The following APCDD1L variants were observed in gnomAD, a reference collection of about 807,000 sequenced individuals.
APCDD1L encodes protein APCDD1-like.
A neutral mutation model predicts 24.2 loss-of-function variants in APCDD1L; 21 were observed. That is an observed-to-expected ratio of 0.87 (90% CI 0.61 to 1.25). The LOEUF (loss-of-function observed/expected upper bound fraction) is 1.25, where lower values mean the gene tolerates loss of function less well. APCDD1L is among the 50% of genes most tolerant of loss of function. APCDD1L has a pLI of 0.00. For synonymous variants in APCDD1L, 321 were observed against 323.6 expected (o/e 0.99, Z 0.09); for missense variants, 704 against 711.7 (o/e 0.99, Z 0.12).
chr20:58,514,093 T>C (rs1316684325), intron 1 of APCDD1L: 6 of 532,638 alleles, frequency 1.1e-5, no homozygotes, highest in South Asian at 2.0e-5. Flanking sequence ...GGAGAAGGCA[T>C]TGACTACTCT....
chr20:58,512,655 C>T (rs575179909), intron 1 of APCDD1L, among the ~76,000 whole-genome samples: 276 of 152,262 alleles, frequency 1.8e-3, no homozygotes, highest in Non-Finnish European at 2.7e-3. Flanking sequence ...GAAGTTCAGG[C>T]GTGCCCAGCT....
intron 2 of APCDD1L, among the ~76,000 whole-genome samples, chr20:58,469,049 C>T (rs1014812595): frequency 8.5e-5 from 13 of 152,102 alleles, no homozygotes; most frequent in South Asian, 2.1e-4. Context: ...CTTAGAACTT[C>T]GGGTTGGCAA....
In APCDD1L at chr20:58,467,473, G is replaced by C; in HGVS notation, c.374C>G (p.Ala125Gly). The C allele has an allele frequency of 6.3e-7, 1 of 1,597,598 alleles. No individual in the cohort carries two copies. Among genetic ancestry groups the C allele is most frequent in the Non-Finnish European group, 8.5e-7 (1 of 1,173,122 alleles). ...GCCCACCTTGTGCAGGTGGTAGTCG[G>C]CCTCGGTGGCTCCCCGGGTGACCCA... ...ASWVTRGATE[A>G]DYHLHKVGIV... Residue 125 changes from alanine to glycine, a missense_variant, in exon 3 of 4, where the codon GCC (alanine) becomes GGC (glycine). Coordinates refer to ENST00000371149, the MANE Select transcript of APCDD1L (RefSeq NM_153360.3). This position sits in a 1 kb window ranked among gnomAD's most constrained non-coding sequence, Gnocchi z 5.9.
At chr20:58,480,842 C>G (rs1990011406) in intron 1 of APCDD1L, among the ~76,000 whole-genome samples, 1 of 152,196 alleles carries the variant, frequency 6.6e-6, no homozygotes, top group African/African-American at 2.4e-5. Context: ...GAGCTCCCAC[C>G]CAGTTGGAAA....
intron 1 of APCDD1L, among the ~76,000 whole-genome samples, chr20:58,504,731 G>A (rs1990501820): frequency 6.6e-6 from 1 of 152,152 alleles, no homozygotes; most frequent in Admixed American, 6.5e-5. Context: ...ACAGCAGGGA[G>A]GGCACAGGGC....
intron 1 of APCDD1L, among the ~76,000 whole-genome samples, chr20:58,489,411 C>T (rs940905414): frequency 2.6e-5 from 4 of 151,874 alleles, no homozygotes; most frequent in Admixed American, 1.3e-4. Context: ...GGGTCAGGTG[C>T]GGTGGCTCAC....
chr20:58,493,968 C>T (rs774430062), intron 1 of APCDD1L, among the ~76,000 whole-genome samples: 2 of 152,222 alleles, frequency 1.3e-5, no homozygotes, highest in African/African-American at 2.4e-5. Flanking sequence ...AGTCAATTCA[C>T]ACATATTTTA....
intron 1 of APCDD1L, among the ~76,000 whole-genome samples, chr20:58,500,346 G>A (rs1036361922): frequency 6.6e-6 from 1 of 152,144 alleles, no homozygotes; most frequent in Non-Finnish European, 1.5e-5. Context: ...CTAATGAGGG[G>A]CATGCTGAGT....
chr20:58,487,188 A>G (rs77668819), intron 1 of APCDD1L, among the ~76,000 whole-genome samples: 2,770 of 152,246 alleles, frequency 0.018, 85 homozygotes, highest in African/African-American at 0.064. Context: ...GAAAAGAGGA[A>G]AAGGACAGAA....
chr20:58,513,212 C>T (rs2073097433), intron 1 of APCDD1L, among the ~76,000 whole-genome samples: 1 of 152,186 alleles, frequency 6.6e-6, no homozygotes, highest in Non-Finnish European at 1.5e-5. Context: ...CCTGTCCTCC[C>T]TATCTCAGCA....
At chr20:58,462,865 C>T (rs1007704623) in intron 3 of APCDD1L, among the ~76,000 whole-genome samples, 1 of 143,638 alleles carries the variant, frequency 7.0e-6, no homozygotes, top group Admixed American at 6.8e-5. Context: ...AAAAATTGGC[C>T]AGGTGCAGTG....
intron 1 of APCDD1L, among the ~76,000 whole-genome samples, chr20:58,512,606 T>C (rs1041893138): frequency 2.0e-5 from 3 of 152,292 alleles, no homozygotes; most frequent in Admixed American, 6.5e-5. Context: ...GGGTGGCTGG[T>C]GTGCCATTAT....
intron 1 of APCDD1L, among the ~76,000 whole-genome samples, chr20:58,511,920 G>GA (rs1568756768): frequency 6.6e-6 from 1 of 151,860 alleles, no homozygotes; most frequent in Admixed American, 6.6e-5. Context: ...ATACAAGTTC[G>GA]AAAAAAAAGC....
At chr20:58,472,681 C>T (rs1025326147) in intron 1 of APCDD1L, among the ~76,000 whole-genome samples, 2 of 152,222 alleles carry the variant, frequency 1.3e-5, no homozygotes, top group African/African-American at 4.8e-5. Flanking sequence ...AACAAATAGC[C>T]ACCCAGCCAG....
intron 1 of APCDD1L, among the ~76,000 whole-genome samples, chr20:58,486,854 G>T (rs1040010573): frequency 2.5e-5 from 2 of 80,438 alleles, no homozygotes; most frequent in Non-Finnish European, 4.3e-5. Flanking sequence ...TGGAGGGAAG[G>T]TTTTTTTTTT....
chr20:58,460,932 CAG>C lies in APCDD1L; in HGVS notation c.1362_1363del (p.Cys455SerfsTer127). 1 of 1,613,850 alleles carries C rather than the reference CAG, an allele frequency of 6.2e-7. No individual in the cohort carries two copies. The highest frequency in any genetic ancestry group is 8.5e-7 in the Non-Finnish European group (1 of 1,179,844). ...GGAGAAGTCGGGGGCCTCCCCATGA[CAG>C]AGCACCAGGGGTGCTTGGTAGGAGG... On this transcript the variant is annotated frameshift_variant, in exon 4 of 4. Transcript: ENST00000371149. LOFTEE classifies it low-confidence loss of function (END_TRUNC). This position sits in a 1 kb window ranked among gnomAD's most constrained non-coding sequence, Gnocchi z 4.2.
Position 58,461,071 on chromosome 20 carries a change from C to T in APCDD1L, c.1225G>A (p.Val409Met). ...TCCATCTTGAAAAGCTCGTACTCCA[C>T]ATGCGGGAGCCGGATGCCCAGCGGT... ...CLPLGIRLPH[V>M]EYELFKMEQD... is the part of the protein sequence containing the mutation. Residue 409 changes from valine to methionine, a missense_variant, in exon 4 of 4, where the codon GTG (valine) becomes ATG (methionine). Coordinates refer to ENST00000371149, the MANE Select transcript of APCDD1L (RefSeq NM_153360.3). This position sits in a 1 kb window ranked among gnomAD's most constrained non-coding sequence, Gnocchi z 6.0. 6.2e-7 allele frequency: 1 copy of T among 1,614,088 alleles called. No individual in the cohort carries two copies. The highest frequency in any genetic ancestry group is 2.2e-5 in the East Asian group (1 of 44,880).
At chr20:58,475,126 T>C (rs1020741380) in intron 1 of APCDD1L, among the ~76,000 whole-genome samples, 2 of 152,142 alleles carry the variant, frequency 1.3e-5, no homozygotes, top group Non-Finnish European at 2.9e-5. Flanking sequence ...AAAACGCAGG[T>C]ATGGATCAAA....
chr20:58,470,705 A>G lies in APCDD1L; in HGVS notation c.92T>C (p.Leu31Pro), dbSNP rs763906482. The change falls in exon 2 of 4, where the codon CTG (leucine) becomes CCG (proline). Residue 31 changes from leucine to proline, a missense_variant. Physicochemically the swap from Leu to Pro is moderately conservative, Grantham distance 98 (BLOSUM62 -3). Coordinates refer to ENST00000371149, the MANE Select transcript of APCDD1L (RefSeq NM_153360.3). ...CTGCTGGCAGTGGGGTTCCCAGCGC[A>G]GGCAGCTGCCCCCGGCCTCCCCAGC... ...PAAGEAGGSC[L>P]RWEPHCQQPL... The G allele has an allele frequency of 5.6e-5, 87 of 1,548,200 alleles. No individual in the cohort carries two copies. In the African/African-American group the frequency reaches 1.1e-3, roughly 19 times the overall value.
Sources: gnomAD v4.1 joint callset for allele counts (sites outside exome capture counted in the v4.1 genomes callset) on GRCh38, gnomAD v4.1.1 for gene constraint, Gnocchi (gnomAD v3.1) non-coding constraint, MANE v1.5 for transcripts, NCBI Gene and HGNC (gene_info 2026-07-23, HGNC 2026-07-21) for gene names.